XIST: variants seen among roughly 807,000 people sequenced by gnomAD.
XIST encodes X inactive specific transcript, also known as X inactive specific transcript (non-protein coding).
exon 1 of XIST, chrX:73,850,860 G>T: frequency 3.7e-6 from 2 of 535,259 alleles, no homozygotes; most frequent in East Asian, 3.4e-5. Flanking sequence ...CACTGCAAGA[G>T]GCAGCACTGG....
chrX:73,829,291 G>A (rs1569511807), intron 4 of XIST: 1 of 483,683 alleles, frequency 2.1e-6, no homozygotes, highest in South Asian at 3.1e-5. Context: ...CTGTGCTAGA[G>A]TTACATAAGA....
exon 1 of XIST, chrX:73,852,104 A>G: frequency 5.7e-6 from 3 of 526,957 alleles, no homozygotes; most frequent in Non-Finnish European, 1.0e-5. Flanking sequence ...GCAAGGAAAA[A>G]TAAAAAAAAA....
exon 1 of XIST, chrX:73,842,890 C>T (rs777370061): frequency 3.6e-6 from 2 of 558,257 alleles, no homozygotes; most frequent in Non-Finnish European, 6.5e-6. Flanking sequence ...GAGCAATAGT[C>T]TGTAAAAAGG....
At chrX:73,850,918 C>T (rs769936508) in exon 1 of XIST, 12 of 554,605 alleles carry the variant, frequency 2.2e-5, no homozygotes, top group Non-Finnish European at 3.6e-5. Context: ...GGCTAAATGT[C>T]CTTGAAAAGA....
chrX:73,844,183 TA>T (rs1569512364), exon 1 of XIST: 2 of 558,560 alleles, frequency 3.6e-6, no homozygotes, highest in African/African-American at 4.4e-5. Context: ...AAAGGGGACT[TA>T]GGGGGTCAGC....
rs757800033 is a variant in XIST at position 73,822,028 on chromosome X, A to G, written n.17873T>C. The G allele has an allele frequency of 1.6e-5, 9 of 556,810 alleles. No individual in the cohort carries two copies. The South Asian group carries it at 2.0e-4, about 12-fold the overall frequency. The allele number at this position is 556,810 out of a possible 1,213,427, so 45.9% of individuals were successfully genotyped here. ...AGAGATCTATTTAGGCAGTGTATGT[A>G]TGTGTCAGCATGTAAAAAGTAAAGA... On this transcript the variant is annotated non_coding_transcript_exon_variant, in exon 6 of 6. Coordinates refer to ENST00000429829, the Ensembl canonical transcript of XIST.
chrX:73,831,245 AAAC>A lies in XIST; in HGVS notation n.11570_11572del, dbSNP rs747230232. The A allele has an allele frequency of 9.1e-6, 5 of 546,677 alleles. No individual in the cohort carries two copies. In the South Asian group the frequency reaches 1.2e-4, roughly 13 times the overall value. The allele number at this position is 546,677 out of a possible 1,213,427, so 45.1% of individuals were successfully genotyped here. A position where few individuals can be genotyped will look rare whatever the true frequency, so the allele number is the denominator to read the frequency against. On this transcript the variant is annotated non_coding_transcript_exon_variant, in exon 4 of 6. Transcript: ENST00000429829. ...AAGGGAATGGATCACTAACACTGTAAAACAACAAGCCTATTCTTCTGAGGAAGA... is the reference window on the plus strand; with the variant it reads ...AAGGGAATGGATCACTAACACTGTAAAACAAGCCTATTCTTCTGAGGAAGA...
At chrX:73,823,996 T>C (rs1217147011) in exon 6 of XIST, 3 of 553,000 alleles carry the variant, frequency 5.4e-6, no homozygotes, top group African/African-American at 4.5e-5. Flanking sequence ...AATCTACACA[T>C]AGATCTCTGT....
intron 3 of XIST, chrX:73,833,104 C>A (rs374949978): frequency 2.3e-6 from 1 of 433,750 alleles, no homozygotes; most frequent in Admixed American, 3.8e-5. Flanking sequence ...GTGATCCCCC[C>A]ACCTCAACCT....
exon 1 of XIST, chrX:73,848,604 G>T (rs1392075423): frequency 1.8e-6 from 1 of 557,789 alleles, no homozygotes; most frequent in Non-Finnish European, 3.2e-6. Flanking sequence ...ACAGGACTCT[G>T]GACAATTGCA....
At chrX:73,847,957 A>C (rs1199492294) in exon 1 of XIST, 1 of 557,736 alleles carries the variant, frequency 1.8e-6, no homozygotes, top group African/African-American at 2.2e-5. Flanking sequence ...TGTTGTGATC[A>C]GTTGCCATGG....
intron 3 of XIST, chrX:73,831,413 C>T (rs1380353439): frequency 1.6e-5 from 6 of 366,959 alleles, no homozygotes; most frequent in African/African-American, 5.3e-5. Context: ...TACAGTTGTG[C>T]GGAGCTGTTA....
exon 1 of XIST, chrX:73,852,419 G>A (rs753751550): frequency 1.5e-5 from 8 of 547,021 alleles, no homozygotes; most frequent in African/African-American, 1.4e-4. Context: ...GTAAAAAACT[G>A]ATCCACAAAA....
At chrX:73,852,703 A>G in exon 1 of XIST, 1 of 440,507 alleles carries the variant, frequency 2.3e-6, no homozygotes, top group Non-Finnish European at 3.9e-6. Context: ...GCCCCGAGAG[A>G]GTAAGAAATA....
intron 3 of XIST, chrX:73,831,476 G>T: frequency 3.1e-6 from 1 of 327,727 alleles, no homozygotes; most frequent in Admixed American, 5.0e-5. Flanking sequence ...ATTCATTCCA[G>T]CTCTATTCTG....
exon 6 of XIST, chrX:73,826,220 C>T (rs1355722684): frequency 1.3e-5 from 7 of 557,781 alleles, no homozygotes; most frequent in Non-Finnish European, 2.3e-5. Context: ...CATCTCTTCA[C>T]ATTTTTCTCT....
chrX:73,825,824 T>C (rs1343882690), exon 6 of XIST: 1 of 547,394 alleles, frequency 1.8e-6, no homozygotes, highest in Admixed American at 2.3e-5. Context: ...TCTTATGTTT[T>C]ACAGTGCTTT....
exon 1 of XIST, chrX:73,850,401 T>C (rs772924937): frequency 6.7e-5 from 36 of 536,141 alleles, no homozygotes; most frequent in Admixed American, 5.0e-4. Context: ...CTTAATACAT[T>C]TCTATAATAG....
exon 1 of XIST, chrX:73,842,967 C>T: frequency 1.8e-6 from 1 of 558,848 alleles, no homozygotes; most frequent in Non-Finnish European, 3.2e-6. Context: ...CCATGGCTAC[C>T]TGTGATTTTA....
Sources: allele counts gnomAD v4.1 joint callset, GRCh38; gene constraint gnomAD v4.1.1; transcripts MANE v1.5; gene names NCBI Gene and HGNC (gene_info 2026-07-23, HGNC 2026-07-21).